COQ8A: variants seen among roughly 807,000 people sequenced by gnomAD.
The protein encoded by COQ8A is coenzyme Q8A, also known as atypical kinase COQ8A, mitochondrial.
COQ8A carries 51 observed loss-of-function variants against 65.0 expected under a neutral mutation model. The ratio of observed to expected loss-of-function variants is 0.78; its 90% CI spans 0.63 to 0.99. The LOEUF is 0.99. COQ8A is among the 50% of genes least tolerant of loss of function. The probability of loss-of-function intolerance (pLI) is 0.00; values close to 1 mark genes in which losing one functional copy is unlikely to be tolerated. For missense variants in COQ8A, 940 were observed against 875.0 expected, an observed-to-expected ratio of 1.07 and a Z score of -0.94; for synonymous variants, 371 against 353.2, an observed-to-expected ratio of 1.05 and a Z score of -0.57.
chr1:226,961,168 C>CT (rs1335382769), intron 1 of COQ8A, among the ~76,000 whole-genome samples: 1 of 152,170 alleles, frequency 6.6e-6, no homozygotes, highest in East Asian at 1.9e-4. Flanking sequence ...ACTCAACGGC[C>CT]TTTATTCTGC....
intron 1 of COQ8A, among the ~76,000 whole-genome samples, chr1:226,958,441 T>C (rs1043208552): frequency 1.3e-5 from 2 of 152,108 alleles, no homozygotes; most frequent in African/African-American, 2.4e-5. Flanking sequence ...TCGCTTCCAC[T>C]CTGCCTCCGA....
intron 1 of COQ8A, chr1:226,940,679 C>T (rs567911169): frequency 6.6e-6 from 1 of 152,642 alleles, no homozygotes; most frequent in African/African-American, 2.4e-5. Flanking sequence ...CCTTGGGTCC[C>T]TGGAACACGC....
intron 12 of COQ8A, 88 bp from the exon 13 acceptor site, chr1:226,984,788 C>A: frequency 6.6e-7 from 1 of 1,509,974 alleles, no homozygotes; most frequent in Non-Finnish European, 9.2e-7. Flanking sequence ...GGGATCCTCA[C>A]TGCCCTCTGT....
intron 2 of COQ8A, among the ~76,000 whole-genome samples, chr1:226,962,901 T>C (rs2148055547): frequency 6.6e-6 from 1 of 152,262 alleles, no homozygotes; most frequent in South Asian, 2.1e-4. Flanking sequence ...TCATAACGAG[T>C]GACAGGACCA....
intron 5 of COQ8A, among the ~76,000 whole-genome samples, chr1:226,979,338 C>A (rs1309484458): frequency 6.6e-6 from 1 of 152,210 alleles, no homozygotes; most frequent in African/African-American, 2.4e-5. Flanking sequence ...CCTGTGAACA[C>A]CAGGCCGGGC....
chr1:226,960,285 T>TTGGTGGTGGTGGTACTTGG (rs149474542), intron 1 of COQ8A, among the ~76,000 whole-genome samples: 1 of 101,504 alleles, frequency 9.9e-6, no homozygotes, highest in Non-Finnish European at 1.9e-5. Context: ...GCGGTGGTAC[T>TTGGTGGTGGTGGTACTTGG]TGGTGGTGGT....
At chr1:226,985,490 C>A in intron 14 of COQ8A, 150 bp downstream of exon 14, 1 of 840,264 alleles carries the variant, frequency 1.2e-6, no homozygotes, top group East Asian at 2.6e-5. Flanking sequence ...TGGGGCCCAC[C>A]CCGGCCCATG....
rs566516807 is a variant in COQ8A at position 226,984,026 on chromosome 1, G to C, written c.1257-68G>C. On this transcript the variant is annotated intron_variant, in intron 10 of 14. Coordinates refer to ENST00000366777, the MANE Select transcript of COQ8A (RefSeq NM_020247.5). ...AGGAGGGCCCTCTGCCTGGTTGGGG[G>C]GTGTGTGTGGGGGGGGGGACGGTGT... The C allele has an allele frequency of 5.9e-6, 9 of 1,537,534 alleles. No individual in the cohort carries two copies. In the African/African-American group the frequency reaches 1.3e-4, roughly 22 times the overall value.
At position 226,965,719 on chromosome 1, in the gene COQ8A, C is replaced by T. The variant is rs119468005; in HGVS notation, c.637C>T (p.Arg213Trp). Residue 213 changes from arginine to tryptophan, a missense_variant, in exon 4 of 15, where the codon CGG (arginine) becomes TGG (tryptophan). Physicochemically the swap from Arg to Trp is moderately radical, Grantham distance 101. Transcript: ENST00000366777. ...ERKVPVTRIG[R>W]LANFGGLAVG... Reference sequence around the variant, plus strand: ...GAAGGTGCCTGTGACGAGGATTGGCCGGCTGGCCAACTTCGGAGGTAAGGT... The same window carrying T: ...GAAGGTGCCTGTGACGAGGATTGGCTGGCTGGCCAACTTCGGAGGTAAGGT... The T allele has an allele frequency of 8.1e-6, 13 of 1,613,776 alleles. No individual in the cohort carries two copies. Among genetic ancestry groups the T allele is most frequent in the African/African-American group, 2.7e-5 (2 of 74,932 alleles).
At chr1:226,954,473 G>A (rs1442812124) in intron 1 of COQ8A, among the ~76,000 whole-genome samples, 1 of 152,254 alleles carries the variant, frequency 6.6e-6, no homozygotes, top group African/African-American at 2.4e-5. Flanking sequence ...TAGAGATGCA[G>A]ATTCCCGGGC....
At chr1:226,950,337 A>C (rs535967574) in intron 1 of COQ8A, among the ~76,000 whole-genome samples, 2 of 152,194 alleles carry the variant, frequency 1.3e-5, no homozygotes, top group Non-Finnish European at 2.9e-5. Context: ...AATCCTAAGA[A>C]TATCTTAATC....
intron 14 of COQ8A, among the ~76,000 whole-genome samples, chr1:226,985,909 GC>G (rs1660079930): frequency 2.0e-5 from 3 of 152,264 alleles, no homozygotes; most frequent in Admixed American, 2.0e-4. Context: ...TCAGCGGGCA[GC>G]AGCTCTCTCC....
In COQ8A at chr1:226,985,288, CTG is replaced by C. The variant is rs1174594535; in HGVS notation, c.1610_1611del (p.Val537AlafsTer36). ...GCTGCTGCCGACAGGGACAGGGAGA[CTG>C]TGCGGGCGAAATCCATAGAGATGAA... is the stretch of plus-strand genomic sequence containing the variant. On this transcript the variant is annotated frameshift_variant, in exon 14 of 15. Coordinates refer to ENST00000366777, the MANE Select transcript of COQ8A (RefSeq NM_020247.5). LOFTEE classifies it high-confidence loss of function. 3 of 1,613,750 alleles carry C rather than the reference CTG, an allele frequency of 1.9e-6. No homozygotes were observed. Among genetic ancestry groups the C allele is most frequent in the East Asian group, 2.2e-5 (1 of 44,896 alleles).
chr1:226,965,230 C>G lies in COQ8A; in HGVS notation c.408C>G (p.Ser136=), dbSNP rs1169713080. 1.2e-6 allele frequency: 2 copies of G among 1,613,868 alleles called. No homozygotes were observed. The highest frequency in any genetic ancestry group is 1.3e-5 in the African/African-American group (1 of 74,948). ...CCGGGTTCCCCGGCCAGGCCTCCTC[C>G]CCTCTGGGCAGGGCCAACGGGAGGC... is the stretch of plus-strand genomic sequence containing the variant. ...REAGFPGQAS[S]PLGRANGRLF... The change falls in exon 3 of 15, where the codon TCC becomes TCG. Residue 136 remains serine (S), a synonymous_variant. Transcript: ENST00000366777.
In COQ8A at chr1:226,984,090, C is replaced by A; in HGVS notation, c.1257-4C>A. On this transcript the variant is annotated splice_region_variant and splice_polypyrimidine_tract_variant and intron_variant, in intron 10 of 14. Coordinates refer to ENST00000366777, the MANE Select transcript of COQ8A (RefSeq NM_020247.5). ...CTAGGGCGTGACCTCCCTCCCCTAC[C>A]CAGGGACCTGCTGAAGGGCCACCCC... is the stretch of plus-strand genomic sequence containing the variant. The A allele has an allele frequency of 6.2e-7, 1 of 1,613,364 alleles. No homozygotes were observed. Among genetic ancestry groups the A allele is most frequent in the Non-Finnish European group, 8.5e-7 (1 of 1,179,970 alleles).
intron 4 of COQ8A, among the ~76,000 whole-genome samples, chr1:226,976,521 C>T (rs1037082241): frequency 3.3e-5 from 5 of 152,108 alleles, no homozygotes; most frequent in African/African-American, 4.8e-5. Flanking sequence ...CTCAGCCCTG[C>T]CGGCCATGGT....
At chr1:226,957,292 C>CCA (rs1553275844) in intron 1 of COQ8A, among the ~76,000 whole-genome samples, 1 of 140,326 alleles carries the variant, frequency 7.1e-6, no homozygotes, top group Non-Finnish European at 1.6e-5. Flanking sequence ...CCCCCCCCCC[C>CCA]CCACCTCCCT....
intron 4 of COQ8A, among the ~76,000 whole-genome samples, chr1:226,968,248 T>C (rs921858168): frequency 6.6e-6 from 1 of 152,030 alleles, no homozygotes; most frequent in African/African-American, 2.4e-5. Context: ...GGCACAAGAA[T>C]TGCTTGAGCC....
intron 7 of COQ8A, 59 bp from the exon 8 acceptor site, chr1:226,982,835 C>T: frequency 6.2e-7 from 1 of 1,612,706 alleles, no homozygotes; most frequent in Non-Finnish European, 8.5e-7. Context: ...AGACTTGGGG[C>T]TTCTCCCGGT....
Sources: gnomAD v4.1 joint callset for allele counts (sites outside exome capture counted in the v4.1 genomes callset) on GRCh38, gnomAD v4.1.1 for gene constraint, MANE v1.5 for transcripts, NCBI Gene and HGNC (gene_info 2026-07-23, HGNC 2026-07-21) for gene names.